The following CTNNA2 variants were observed in gnomAD, a reference collection of about 807,000 sequenced individuals.
CTNNA2 encodes catenin alpha-2.
CTNNA2 carries 42 observed loss-of-function variants against 101.0 expected under a neutral mutation model. That is an observed-to-expected ratio of 0.42 (90% CI 0.32 to 0.54). The LOEUF (loss-of-function observed/expected upper bound fraction) is 0.54. CTNNA2 is among the 20% of genes least tolerant of loss of function. The pLI, the probability that CTNNA2 is intolerant of heterozygous loss-of-function variation, is 0.14. For synonymous variants in CTNNA2, 450 were observed against 456.4 expected (o/e 0.99, Z 0.18); for missense variants, 871 against 1,223.1 (o/e 0.71, Z 4.29).
At chr2:79,813,647 G>T (rs908105367) in intron 3 of CTNNA2, among the ~76,000 whole-genome samples, 1 of 152,176 alleles carries the variant, frequency 6.6e-6, no homozygotes, top group Non-Finnish European at 1.5e-5. Flanking sequence ...GTACAGATTT[G>T]AGAGACAGTG....
At chr2:79,575,583 C>G (rs1675744065) in intron 1 of CTNNA2, 1 of 152,466 alleles carries the variant, frequency 6.6e-6, no homozygotes. Context: ...TTGCTGCTGT[C>G]TCTATGCCCA....
chr2:80,189,745 AG>A (rs1436084377), intron 7 of CTNNA2, among the ~76,000 whole-genome samples: 2 of 123,430 alleles, frequency 1.6e-5, no homozygotes, highest in East Asian at 4.2e-4. Context: ...GTCCTCAACC[AG>A]TTAAAAAAAA....
At chr2:79,552,208 C>G (rs1674148812) in intron 1 of CTNNA2, among the ~76,000 whole-genome samples, 1 of 152,120 alleles carries the variant, frequency 6.6e-6, no homozygotes, top group African/African-American at 2.4e-5. Flanking sequence ...AGGGAAAAAT[C>G]AGCCCAAACA....
chr2:79,696,433 T>C (rs1684657815), intron 2 of CTNNA2, among the ~76,000 whole-genome samples: 1 of 152,034 alleles, frequency 6.6e-6, no homozygotes, highest in Non-Finnish European at 1.5e-5. Context: ...TTTCTTGATA[T>C]CCTCTTGGTA....
At chr2:79,571,150 T>C (rs963730500) in intron 1 of CTNNA2, among the ~76,000 whole-genome samples, 2 of 152,164 alleles carry the variant, frequency 1.3e-5, no homozygotes, top group Non-Finnish European at 2.9e-5. Flanking sequence ...CTACTTGGTT[T>C]TTTGGCTTAA....
intron 7 of CTNNA2, among the ~76,000 whole-genome samples, chr2:80,235,034 T>C (rs1295428124): frequency 6.6e-6 from 1 of 152,196 alleles, no homozygotes; most frequent in Non-Finnish European, 1.5e-5. Flanking sequence ...CATTCGTTGA[T>C]ATATGGTATG....
intron 9 of CTNNA2, among the ~76,000 whole-genome samples, chr2:80,515,297 A>G (rs548652291): frequency 6.6e-6 from 1 of 152,264 alleles, no homozygotes; most frequent in South Asian, 2.1e-4. Flanking sequence ...CTTTGATGGA[A>G]ATTTCTCTTT....
intron 9 of CTNNA2, among the ~76,000 whole-genome samples, chr2:80,423,921 G>C (rs1279256797): frequency 1.3e-5 from 2 of 152,146 alleles, no homozygotes; most frequent in Non-Finnish European, 2.9e-5. Context: ...AAGGGAAATG[G>C]GGGAAGGGTA....
chr2:80,146,238 G>A (rs1457565425), intron 7 of CTNNA2, among the ~76,000 whole-genome samples: 8 of 152,182 alleles, frequency 5.3e-5, no homozygotes, highest in East Asian at 1.9e-4. Flanking sequence ...CCAATAACAC[G>A]TGGAGCATAG....
chr2:79,411,974 C>T (rs763014156), intron 4 of CTNNA2, among the ~76,000 whole-genome samples: 24 of 152,056 alleles, frequency 1.6e-4, no homozygotes, highest in Non-Finnish European at 3.1e-4. Context: ...AGTCAAGACC[C>T]ATCAGTGTGC....
chr2:80,175,794 C>T (rs1157817783), intron 7 of CTNNA2, among the ~76,000 whole-genome samples: 1 of 152,210 alleles, frequency 6.6e-6, no homozygotes, highest in East Asian at 1.9e-4. Flanking sequence ...CAGTCTGTGG[C>T]CTAAGGCCCA....
chr2:80,330,499 C>CTT (rs11338415), intron 7 of CTNNA2, among the ~76,000 whole-genome samples: 4 of 141,268 alleles, frequency 2.8e-5, no homozygotes, highest in East Asian at 2.1e-4. Context: ...CTACTTTTTT[C>CTT]TTTTTTTTTT....
At chr2:79,453,400 T>C (rs1178633549) in intron 4 of CTNNA2, among the ~76,000 whole-genome samples, 1 of 152,152 alleles carries the variant, frequency 6.6e-6, no homozygotes, top group African/African-American at 2.4e-5. Flanking sequence ...CAAGGAATTG[T>C]CATGCTATAA....
At chr2:80,533,811 C>T (rs918641009) in intron 9 of CTNNA2, among the ~76,000 whole-genome samples, 4 of 152,062 alleles carry the variant, frequency 2.6e-5, no homozygotes, top group African/African-American at 4.8e-5. Context: ...AACAAAATCC[C>T]CTGATGCCTT....
chr2:79,508,940 A>ATG (rs1671470317), upstream of CTNNA2, among the ~76,000 whole-genome samples: 1 of 142,568 alleles, frequency 7.0e-6, no homozygotes, highest in Non-Finnish European at 1.5e-5. Flanking sequence ...ACATATATAT[A>ATG]TATTCACCAT....
At chr2:80,424,849 C>T (rs918997162) in intron 9 of CTNNA2, among the ~76,000 whole-genome samples, 1 of 152,148 alleles carries the variant, frequency 6.6e-6, no homozygotes, top group Non-Finnish European at 1.5e-5. Flanking sequence ...GACTGTCAAA[C>T]GCCTTGGGGA....
chr2:80,303,508 C>G lies in CTNNA2; in HGVS notation c.1057-89703C>G. 1 of 1,614,258 alleles carries G rather than the reference C, an allele frequency of 6.2e-7. No homozygotes were observed. The highest frequency in any genetic ancestry group is 2.2e-5 in the East Asian group (1 of 44,866). ...GCAGTTTCTGAAAGGCGTCCCCCTGCACGGAGCAGATGTGATTGTGATCCA... is the reference window on the plus strand; with the variant it reads ...GCAGTTTCTGAAAGGCGTCCCCCTGGACGGAGCAGATGTGATTGTGATCCA... On this transcript the variant is annotated intron_variant, in intron 7 of 18. Transcript: ENST00000402739. This position sits in a 1 kb window ranked among gnomAD's most constrained non-coding sequence, Gnocchi z 7.7.
At position 80,209,673 on chromosome 2, in the gene CTNNA2, C is replaced by T. The variant is rs560631837; in HGVS notation, c.1057-183538C>T. On this transcript the variant is annotated intron_variant, in intron 7 of 18. Transcript: ENST00000402739. ...TAAAAACAGCATGATCATCAAATTG[C>T]CTGAAGTGTACCATCATAATATTTC... 2.6e-5 allele frequency among the ~76,000 whole-genome samples: 4 copies of T among 151,978 alleles called. No homozygotes were observed. In the South Asian group the frequency reaches 8.3e-4, roughly 32 times the overall value.
At chr2:79,203,409 CAA>C (rs752987444) in intron 2 of CTNNA2, among the ~76,000 whole-genome samples, 1 of 151,958 alleles carries the variant, frequency 6.6e-6, no homozygotes, top group Non-Finnish European at 1.5e-5. Context: ...TCAAAAAGCA[CAA>C]ACATATAGAG....
Sources: allele counts gnomAD v4.1 joint callset (sites outside exome capture counted in the v4.1 genomes callset), GRCh38; gene constraint gnomAD v4.1.1; non-coding constraint Gnocchi (gnomAD v3.1); transcripts MANE v1.5; gene names NCBI Gene and HGNC (gene_info 2026-07-23, HGNC 2026-07-21).